Variants in UGP2 observed in about 807,000 individuals in gnomAD.
UGP2 encodes the protein UDP-glucose pyrophosphorylase 2, also known as UTP--glucose-1-phosphate uridylyltransferase.
In UGP2, 40 loss-of-function variants were observed where a neutral mutation model predicts 49.0. The observed-to-expected ratio is 0.82, with a 90% CI of 0.63 to 1.06. The LOEUF (loss-of-function observed/expected upper bound fraction) is 1.06, where lower values mean the gene tolerates loss of function less well. UGP2 is among the 50% of genes least tolerant of loss of function. UGP2 has a pLI of 0.00. For synonymous variants in UGP2, 225 were observed against 213.0 expected (o/e 1.06, Z -0.49); for missense variants, 460 against 603.5 (o/e 0.76, Z 2.49).
chr2:63,886,269 A>G, intron 6 of UGP2, 72 bp from the exon 7 acceptor site: 1 of 1,382,300 alleles, frequency 7.2e-7, no homozygotes, highest in Non-Finnish European at 1.0e-6. Flanking sequence ...TTGTATAATC[A>G]CTATCTTTGT....
In UGP2 at chr2:63,845,756, G is replaced by A. The variant is rs536249280; in HGVS notation, c.19+3552G>A. 7.9e-4 allele frequency among the ~76,000 whole-genome samples: 120 copies of A among 152,272 alleles called. No homozygotes were observed. In the Middle Eastern group the frequency reaches 0.01, roughly 13 times the overall value. On this transcript the variant is annotated intron_variant, in intron 1 of 9. Coordinates refer to ENST00000337130, the MANE Select transcript of UGP2 (RefSeq NM_006759.4). Reference sequence around the variant, plus strand: ...GCAGATCTGGGCATTACACCTAAGTGTTGTGTACACCTGTTTTGAATGTAG... The same window carrying A: ...GCAGATCTGGGCATTACACCTAAGTATTGTGTACACCTGTTTTGAATGTAG...
chr2:63,849,851 G>A (rs1668924325), intron 1 of UGP2, among the ~76,000 whole-genome samples: 1 of 152,094 alleles, frequency 6.6e-6, no homozygotes, highest in Admixed American at 6.5e-5. Flanking sequence ...ATAAGGAATT[G>A]GACTCACTGA....
At chr2:63,874,705 A>G (rs1443578474) in intron 3 of UGP2, among the ~76,000 whole-genome samples, 1 of 151,816 alleles carries the variant, frequency 6.6e-6, no homozygotes, top group Non-Finnish European at 1.5e-5. Context: ...TCCCTCATGC[A>G]TGGCTTGGTG....
chr2:63,875,670 G>C (rs1014349946), intron 3 of UGP2, among the ~76,000 whole-genome samples: 3 of 152,208 alleles, frequency 2.0e-5, no homozygotes, highest in African/African-American at 7.2e-5. Flanking sequence ...TTATCCCCCA[G>C]AGGATGTTAG....
intron 1 of UGP2, among the ~76,000 whole-genome samples, chr2:63,852,255 G>A (rs1399255480): frequency 6.6e-6 from 1 of 152,164 alleles, no homozygotes; most frequent in Admixed American, 6.5e-5. Flanking sequence ...GCTACTCAAA[G>A]CCATACTGGC....
intron 3 of UGP2, among the ~76,000 whole-genome samples, chr2:63,864,535 C>T (rs1225306429): frequency 6.6e-6 from 1 of 152,180 alleles, no homozygotes; most frequent in African/African-American, 2.4e-5. Flanking sequence ...TCACTGTTAT[C>T]CTTTTTTTCA....
intron 8 of UGP2, chr2:63,888,358 G>A (rs1194015440): frequency 6.6e-6 from 1 of 152,180 alleles, no homozygotes; most frequent in Non-Finnish European, 1.5e-5. Context: ...TTTTGCCATA[G>A]GCTAATTGAT....
intron 1 of UGP2, among the ~76,000 whole-genome samples, chr2:63,848,491 G>A (rs1668822027): frequency 6.6e-6 from 1 of 152,182 alleles, no homozygotes; most frequent in Non-Finnish European, 1.5e-5. Context: ...AGCCTCCTGA[G>A]TAGCTGGAAT....
chr2:63,844,570 A>T (rs138396261), intron 1 of UGP2, among the ~76,000 whole-genome samples: 118 of 152,172 alleles, frequency 7.8e-4, no homozygotes, highest in Admixed American at 1.4e-3. Flanking sequence ...ATTGATTGAT[A>T]GATTGATTTT....
intron 2 of UGP2, chr2:63,856,785 C>G (rs755916826): frequency 4.3e-6 from 2 of 462,928 alleles, no homozygotes; most frequent in South Asian, 3.1e-5. Flanking sequence ...ATGCCTTTTC[C>G]AGAGAGTCAC....
chr2:63,869,484 T>C (rs895613549), intron 3 of UGP2, among the ~76,000 whole-genome samples: 2 of 152,236 alleles, frequency 1.3e-5, no homozygotes, highest in Admixed American at 1.3e-4. Context: ...CTTTTATTTG[T>C]AGTAATTGGT....
rs528966512 is a variant in UGP2 at position 63,884,993 on chromosome 2, C to CTTTTTTT, written c.576-573_576-567dup. Among the ~76,000 whole-genome samples, 34 of 23,148 alleles carry CTTTTTTT rather than the reference C, an allele frequency of 1.5e-3. 2 individuals are homozygous for CTTTTTTT. Among genetic ancestry groups the CTTTTTTT allele is most frequent in the African/African-American group, 2.3e-3 (14 of 6,072 alleles). 15.2% of individuals were successfully genotyped at this position (23,148 alleles called of 152,430 possible). On this transcript the variant is annotated intron_variant, in intron 5 of 9. Coordinates refer to ENST00000337130, the MANE Select transcript of UGP2 (RefSeq NM_006759.4). The stretch of plus-strand genomic sequence containing the variant: ...TTTTAAGATCTATTTCCCATGGTTA[C>CTTTTTTT]TTTTTTTTTTTTTTTTTTTTTTTTT...
At chr2:63,864,675 A>G (rs1222055546) in intron 3 of UGP2, among the ~76,000 whole-genome samples, 2 of 152,178 alleles carry the variant, frequency 1.3e-5, no homozygotes, top group African/African-American at 2.4e-5. Context: ...ATTGTAGAAC[A>G]CCCACCAGTT....
intron 3 of UGP2, 99 bp from the exon 4 acceptor site, chr2:63,882,367 C>A: frequency 1.7e-6 from 2 of 1,160,716 alleles, no homozygotes; most frequent in East Asian, 2.7e-5. Flanking sequence ...ACAGAGAAAC[C>A]GAAACTTTAT....
In UGP2 at chr2:63,852,849, G is replaced by A. The variant is rs991585470; in HGVS notation, c.20-3457G>A. Among the ~76,000 whole-genome samples the A allele has an allele frequency of 3.3e-5, 5 of 152,144 alleles. No individual in the cohort carries two copies. In the South Asian group the frequency reaches 6.2e-4, roughly 19 times the overall value. On this transcript the variant is annotated intron_variant, in intron 1 of 9. Transcript: ENST00000337130. ...GTGAGGTATAAACCTTAGTTTCTAC[G>A]GAAATGTTAATGCCGTGGAGAACAG...
chr2:63,890,088 A>G lies in UGP2; in HGVS notation c.1322A>G (p.Asp441Gly). Residue 441 changes from aspartate (D) to glycine (G), a missense_variant, in exon 9 of 10, where the codon GAT (aspartate) becomes GGT (glycine). Around this residue, in one of 2 missense-constraint regions of UGP2, gnomAD observed 317 missense variants for 473.0 expected, o/e 0.67. Transcript: ENST00000337130. ...TTTCTCCTTTTCTGTAAGGTTCAAG[A>G]TTATCTAAGAAGATTTGAAAGTATA... Reference protein sequence around the residue: ...KLGSSFTKVQDYLRRFESIPD... With the variant: ...KLGSSFTKVQGYLRRFESIPD... 1 of 1,608,106 alleles carries G rather than the reference A, an allele frequency of 6.2e-7. No homozygotes were observed. The highest frequency in any genetic ancestry group is 8.5e-7 in the Non-Finnish European group (1 of 1,177,658).
intron 1 of UGP2, among the ~76,000 whole-genome samples, chr2:63,844,009 C>A (rs1340309699): frequency 6.6e-6 from 1 of 152,214 alleles, no homozygotes; most frequent in African/African-American, 2.4e-5. Flanking sequence ...TGTCCTCCTG[C>A]GTTAGCCTCC....
intron 1 of UGP2, among the ~76,000 whole-genome samples, chr2:63,847,619 A>G (rs905966002): frequency 1.3e-5 from 2 of 152,102 alleles, no homozygotes; most frequent in African/African-American, 4.8e-5. Flanking sequence ...GGTAAAGGAA[A>G]ATTACAGTCA....
rs1303727837 is a variant in UGP2, at chr2:63,891,338, T to G, written c.*111T>G. On this transcript the variant is annotated 3_prime_UTR_variant, in exon 10 of 10. Coordinates refer to ENST00000337130, the MANE Select transcript of UGP2 (RefSeq NM_006759.4). The stretch of plus-strand genomic sequence containing the variant: ...TACTATGTTACTGTACCCTGCAGTG[T>G]TGATTTTTAAAATAGAGTTTTCTGC... 22 of 786,134 alleles carry G rather than the reference T, an allele frequency of 2.8e-5. No homozygotes were observed. The allele number at this position is 786,134 out of a possible 1,614,324, so 48.7% of individuals were successfully genotyped here.
Sources: gnomAD v4.1 joint callset for allele counts (sites outside exome capture counted in the v4.1 genomes callset) on GRCh38, gnomAD v4.1.1 for gene constraint, gnomAD v4.1.1 regional missense constraint, MANE v1.5 for transcripts, NCBI Gene and HGNC (gene_info 2026-07-23, HGNC 2026-07-21) for gene names.